Variants in GALNTL6 observed in about 807,000 individuals in gnomAD.
GALNTL6 encodes the protein polypeptide N-acetylgalactosaminyltransferase like 6.
GALNTL6 carries 46 observed loss-of-function variants against 73.7 expected under a neutral mutation model. That is an observed-to-expected ratio of 0.62 (90% CI 0.49 to 0.80). The LOEUF (loss-of-function observed/expected upper bound fraction) is 0.80, where lower values mean the gene tolerates loss of function less well. Ranked by LOEUF, GALNTL6 falls within the 30% of genes least tolerant of loss-of-function variation. GALNTL6 has a pLI of 0.00. For synonymous variants in GALNTL6, 259 were observed against 263.7 expected, an observed-to-expected ratio of 0.98 and a Z score of 0.17; for missense variants, 604 against 755.0, an observed-to-expected ratio of 0.80 and a Z score of 2.34.
At chr4:172,056,550 C>T (rs556852170) in intron 2 of GALNTL6, among the ~76,000 whole-genome samples, 6 of 152,122 alleles carry the variant, frequency 3.9e-5, no homozygotes, top group South Asian at 4.1e-4. Context: ...ATACAGAATA[C>T]ACAATGTTTT....
At chr4:172,860,694 C>A (rs566450606) in intron 7 of GALNTL6, among the ~76,000 whole-genome samples, 10 of 152,068 alleles carry the variant, frequency 6.6e-5, no homozygotes, top group Non-Finnish European at 1.0e-4. Flanking sequence ...GAAGATGCTT[C>A]TAAATAATAT....
intron 2 of GALNTL6, among the ~76,000 whole-genome samples, chr4:172,028,502 A>G (rs1741663274): frequency 6.6e-6 from 1 of 152,076 alleles, no homozygotes; most frequent in African/African-American, 2.4e-5. Flanking sequence ...GATAGGTTGG[A>G]TTCCTACACA....
At chr4:172,029,014 T>C (rs1015510625) in intron 2 of GALNTL6, among the ~76,000 whole-genome samples, 7 of 152,062 alleles carry the variant, frequency 4.6e-5, no homozygotes, top group African/African-American at 1.7e-4. Flanking sequence ...GAGTTGCTTT[T>C]TAATTTATAC....
intron 12 of GALNTL6, among the ~76,000 whole-genome samples, chr4:173,027,721 C>T (rs962663313): frequency 6.6e-6 from 1 of 151,956 alleles, no homozygotes; most frequent in African/African-American, 2.4e-5. Context: ...AAGATATAGA[C>T]CTTTAAAGGA....
In GALNTL6 at chr4:172,613,938, G is replaced by T. The variant is rs143123875; in HGVS notation, c.554-195423G>T. 8.4e-4 allele frequency among the ~76,000 whole-genome samples: 128 copies of T among 152,192 alleles called. 1 individual carries two copies. Among genetic ancestry groups the T allele is most frequent in the African/African-American group, 3.0e-3 (123 of 41,546 alleles). The stretch of plus-strand genomic sequence containing the variant: ...AAAGGCATTTTGTTCTAGCTACAAA[G>T]AAAAGATTTCTTCCAAGTATTACCC... On this transcript the variant is annotated intron_variant, in intron 5 of 12. Coordinates refer to ENST00000506823, the MANE Select transcript of GALNTL6 (RefSeq NM_001034845.3).
chr4:172,616,339 G>A (rs1477525233), intron 5 of GALNTL6, among the ~76,000 whole-genome samples: 3 of 151,558 alleles, frequency 2.0e-5, no homozygotes, highest in Non-Finnish European at 4.4e-5. Context: ...TGTCTTATTT[G>A]GTCCTAACTG....
intron 5 of GALNTL6, among the ~76,000 whole-genome samples, chr4:172,496,899 C>T (rs1232570387): frequency 1.3e-5 from 2 of 152,104 alleles, no homozygotes; most frequent in African/African-American, 2.4e-5. Flanking sequence ...TACATGATTC[C>T]TTTCAGTGTT....
chr4:172,401,370 A>T (rs1020957626), intron 5 of GALNTL6, among the ~76,000 whole-genome samples: 15 of 152,232 alleles, frequency 9.9e-5, no homozygotes, highest in African/African-American at 3.6e-4. Flanking sequence ...CATTCCAGCA[A>T]AGGAGAAAAT....
At chr4:172,395,725 A>G (rs1743825425) in intron 5 of GALNTL6, among the ~76,000 whole-genome samples, 1 of 152,224 alleles carries the variant, frequency 6.6e-6, no homozygotes, top group Non-Finnish European at 1.5e-5. Flanking sequence ...GATACAAGAG[A>G]TGAAATATTA....
chr4:172,195,559 G>A (rs1346324916), intron 2 of GALNTL6, among the ~76,000 whole-genome samples: 1 of 152,040 alleles, frequency 6.6e-6, no homozygotes, highest in African/African-American at 2.4e-5. Context: ...CTTAGCAAAT[G>A]CAAAAGAACT....
intron 10 of GALNTL6, among the ~76,000 whole-genome samples, chr4:173,001,154 A>G (rs1156367625): frequency 6.6e-6 from 1 of 152,184 alleles, no homozygotes; most frequent in African/African-American, 2.4e-5. Context: ...AAACTAGGAG[A>G]GAAGCATATT....
At chr4:173,004,114 G>A (rs1050210343) in intron 10 of GALNTL6, among the ~76,000 whole-genome samples, 1 of 152,026 alleles carries the variant, frequency 6.6e-6, no homozygotes, top group African/African-American at 2.4e-5. Flanking sequence ...GTTAAAGACT[G>A]TGGCAAGCTG....
chr4:172,734,309 G>T (rs980535381), intron 5 of GALNTL6, among the ~76,000 whole-genome samples: 2 of 152,186 alleles, frequency 1.3e-5, no homozygotes, highest in East Asian at 1.9e-4. Context: ...GTCAGCTGCA[G>T]AAATTTGCAT....
intron 2 of GALNTL6, among the ~76,000 whole-genome samples, chr4:172,092,625 TA>T (rs1211055830): frequency 6.6e-6 from 1 of 151,954 alleles, no homozygotes; most frequent in Non-Finnish European, 1.5e-5. Context: ...GCCAAAATAA[TA>T]AATAAAATAT....
chr4:172,351,658 AC>A (rs1247717838), intron 5 of GALNTL6, among the ~76,000 whole-genome samples: 1 of 152,152 alleles, frequency 6.6e-6, no homozygotes, highest in African/African-American at 2.4e-5. Context: ...CAAAGCTACA[AC>A]CCTATAGTGT....
chr4:171,831,203 T>G (rs1483640438), intron 2 of GALNTL6, among the ~76,000 whole-genome samples: 7 of 152,016 alleles, frequency 4.6e-5, no homozygotes, highest in Admixed American at 4.6e-4. Flanking sequence ...GTTAGGTTCA[T>G]TTGAATTAGC....
chr4:171,953,915 T>C (rs1209033301), intron 2 of GALNTL6, among the ~76,000 whole-genome samples: 3 of 152,068 alleles, frequency 2.0e-5, no homozygotes, highest in Admixed American at 6.6e-5. Flanking sequence ...TTAAAAGTCA[T>C]TACAATGGAA....
intron 3 of GALNTL6, among the ~76,000 whole-genome samples, chr4:172,310,086 G>T (rs546482892): frequency 1.3e-5 from 2 of 152,106 alleles, no homozygotes; most frequent in Admixed American, 1.3e-4. Flanking sequence ...CATGTTATCA[G>T]TTGGAAAAAG....
intron 2 of GALNTL6, among the ~76,000 whole-genome samples, chr4:172,019,531 A>G (rs1045112327): frequency 1.3e-5 from 2 of 152,174 alleles, no homozygotes; most frequent in Non-Finnish European, 2.9e-5. Flanking sequence ...CTTATATGAG[A>G]CAAAATATAT....
Sources: gnomAD v4.1 joint callset for allele counts (sites outside exome capture counted in the v4.1 genomes callset) on GRCh38, gnomAD v4.1.1 for gene constraint, MANE v1.5 for transcripts, NCBI Gene and HGNC (gene_info 2026-07-23, HGNC 2026-07-21) for gene names.